Variants in MTR observed in about 807,000 individuals in gnomAD.
MTR encodes the protein methionine synthase.
A neutral mutation model predicts 154.8 loss-of-function variants in MTR; 84 were observed. The observed-to-expected ratio is 0.54, with a 90% CI of 0.45 to 0.65. The LOEUF (loss-of-function observed/expected upper bound fraction) is 0.65. Among genes scored for constraint, MTR ranks in the 30% least tolerant of loss-of-function variants. MTR has a pLI of 0.00. For synonymous variants in MTR, 554 were observed against 553.9 expected (o/e 1.00, Z 0.00); for missense variants, 1,275 against 1,570.2 (o/e 0.81, Z 3.18).
At position 236,897,107 on chromosome 1, in the gene MTR, T is replaced by G; in HGVS notation, c.3700T>G (p.Ser1234Ala). The G allele has an allele frequency of 6.2e-7, 1 of 1,611,862 alleles. No homozygotes were observed. The highest frequency in any genetic ancestry group is 8.5e-7 in the Non-Finnish European group (1 of 1,177,910). The change falls in exon 32 of 33, where the codon TCC becomes GCC. Residue 1234 changes from serine to alanine, a missense_variant. Physicochemically the swap from Ser to Ala is moderately conservative, Grantham distance 99 (BLOSUM62 1). Coordinates refer to ENST00000366577, the MANE Select transcript of MTR (RefSeq NM_000254.3). ...CAAATATTTTGCTGTGGGGAAGATT[T>G]CCAAGGATCAGGTAAGCTAGCTGTT... Reference protein sequence around the residue: ...KSKYFAVGKISKDQVEDYALR... With the variant: ...KSKYFAVGKIAKDQVEDYALR...
At chr1:236,897,310 GCACACACACACACACACACACA>G (rs57786802) in intron 32 of MTR, among the ~76,000 whole-genome samples, 192 bp downstream of exon 32, 1 of 128,614 alleles carries the variant, frequency 7.8e-6, no homozygotes, top group Admixed American at 7.6e-5. Flanking sequence ...CCACACACAC[GCACACACACACACACACACACA>G]CACACACACA....
At chr1:236,819,271 T>C (rs1661779979) in intron 8 of MTR, among the ~76,000 whole-genome samples, 1 of 152,188 alleles carries the variant, frequency 6.6e-6, no homozygotes, top group South Asian at 2.1e-4. Context: ...TTATTCTTTT[T>C]CCTGGCCTGC....
chr1:236,825,450 TTTTAGA>T (rs1422951856), intron 10 of MTR, 51 bp downstream of exon 10: 1 of 1,491,068 alleles, frequency 6.7e-7, no homozygotes, highest in Admixed American at 1.7e-5. Flanking sequence ...AAAGATTGAA[TTTTAGA>T]TTTAGAGTAT....
chr1:236,894,414 C>A lies in MTR; in HGVS notation c.3262C>A (p.Pro1088Thr). The A allele has an allele frequency of 3.1e-6, 5 of 1,614,216 alleles. No homozygotes were observed. The highest frequency in any genetic ancestry group is 4.2e-6 in the Non-Finnish European group (5 of 1,180,030). Residue 1088 changes from proline (P) to threonine (T), a missense_variant, in exon 30 of 33, where the codon CCC becomes ACC. Transcript: ENST00000366577. ...PYYCLSDFIA[P>T]LHSGIRDYLG... ...CTACTGCCTCTCAGACTTCATCGCT[C>A]CCTTGCATTCTGGCATCCGTGACTA...
rs1666848829 is a variant in MTR at position 236,899,998 on chromosome 1, AAAC to A, written c.*2357_*2359del. ...TGTAAACAGGCACCACTGCTTTAAA[AAAC>A]AATTATCCCTTACAGACTTGAACAT... On this transcript the variant is annotated 3_prime_UTR_variant, in exon 33 of 33. Transcript: ENST00000366577. 1 of 203,324 alleles carries A rather than the reference AAAC, an allele frequency of 4.9e-6. No homozygotes were observed. The highest frequency in any genetic ancestry group is 5.6e-5 in the Admixed American group (1 of 17,810). The allele number at this position is 203,324 out of a possible 1,614,324, so 12.6% of individuals were successfully genotyped here.
Position 236,862,359 on chromosome 1 carries a change from C to A in MTR, c.2304+16C>A. 1 of 1,602,204 alleles carries A rather than the reference C, an allele frequency of 6.2e-7. No individual in the cohort carries two copies. The highest frequency in any genetic ancestry group is 1.1e-5 in the South Asian group (1 of 90,776). ...AGAAGAAGAGGCAAGTCATTTTGTT[C>A]AGGCCTATGGGCCTTTAGTGGGTTG... On this transcript the variant is annotated intron_variant, in intron 21 of 32. Coordinates refer to ENST00000366577, the MANE Select transcript of MTR (RefSeq NM_000254.3).
Position 236,835,702 on chromosome 1 carries a change from A to T in MTR, c.1329+15A>T. 6.2e-7 allele frequency: 1 copy of T among 1,613,312 alleles called. No homozygotes were observed. Among genetic ancestry groups the T allele is most frequent in the Non-Finnish European group, 8.5e-7 (1 of 1,179,838 alleles). On this transcript the variant is annotated intron_variant, in intron 14 of 32. Transcript: ENST00000366577. ...ACATCGCAAAGGTTATACAAAGTTT[A>T]TGTTTATCAGGGGGATTTACTTGTC...
At chr1:236,862,428 G>A in intron 21 of MTR, 85 bp downstream of exon 21, 2 of 1,074,378 alleles carry the variant, frequency 1.9e-6, no homozygotes, top group South Asian at 1.3e-5. Flanking sequence ...AGCAGTCAGG[G>A]TTGGCTGTGT....
chr1:236,886,685 C>CT (rs1179560283), intron 27 of MTR, among the ~76,000 whole-genome samples: 5 of 152,184 alleles, frequency 3.3e-5, no homozygotes, highest in Admixed American at 6.5e-5. Flanking sequence ...TGAAAGGTTA[C>CT]TAGGAATCTC....
intron 22 of MTR, among the ~76,000 whole-genome samples, chr1:236,872,203 T>G (rs972742403): frequency 1.1e-4 from 16 of 152,200 alleles, no homozygotes; most frequent in African/African-American, 3.9e-4. Flanking sequence ...CTGTTTCCTC[T>G]GAGTTCCAGG....
intron 6 of MTR, among the ~76,000 whole-genome samples, chr1:236,814,810 G>A (rs898863875): frequency 3.3e-5 from 5 of 151,842 alleles, no homozygotes; most frequent in East Asian, 3.9e-4. Flanking sequence ...TTTGTTTTCC[G>A]TAAGATCTTT....
intron 15 of MTR, among the ~76,000 whole-genome samples, chr1:236,849,908 G>T (rs1663801648): frequency 6.6e-6 from 1 of 152,234 alleles, no homozygotes; most frequent in African/African-American, 2.4e-5. Flanking sequence ...GTGATAGGTT[G>T]TGACACTGCT....
chr1:236,878,662 T>C (rs1383315147), intron 24 of MTR, among the ~76,000 whole-genome samples: 4 of 152,210 alleles, frequency 2.6e-5, no homozygotes, highest in Admixed American at 6.5e-5. Context: ...TGAATTTGTA[T>C]TGGGCCACAT....
chr1:236,876,084 C>G (rs1170939140), intron 24 of MTR, among the ~76,000 whole-genome samples: 1 of 152,098 alleles, frequency 6.6e-6, no homozygotes, highest in African/African-American at 2.4e-5. Context: ...TTACTTAGGT[C>G]TACTGATAAA....
At chr1:236,889,949 A>G (rs966265283) in intron 28 of MTR, among the ~76,000 whole-genome samples, 12 of 152,040 alleles carry the variant, frequency 7.9e-5, no homozygotes, top group African/African-American at 2.9e-4. Context: ...GAAGTAAGTG[A>G]GGTGTTAAAT....
At chr1:236,862,760 A>G (rs1035392443) in intron 21 of MTR, among the ~76,000 whole-genome samples, 2 of 152,124 alleles carry the variant, frequency 1.3e-5, no homozygotes, top group African/African-American at 4.8e-5. Context: ...TCTGCTGGTG[A>G]TGTCCTTGGC....
In MTR at chr1:236,897,999, C is replaced by G. The variant is rs1015096886; in HGVS notation, c.*355C>G. Reference sequence around the variant, plus strand: ...AGTGGAATCTAGGAGGCCACTTAGTCGTCTTTTTTTCCTCTTAGAAGAAAA... The same window carrying G: ...AGTGGAATCTAGGAGGCCACTTAGTGGTCTTTTTTTCCTCTTAGAAGAAAA... On this transcript the variant is annotated 3_prime_UTR_variant, in exon 33 of 33. Coordinates refer to ENST00000366577, the MANE Select transcript of MTR (RefSeq NM_000254.3). 1 of 258,702 alleles carries G rather than the reference C, an allele frequency of 3.9e-6. No homozygotes were observed. Among genetic ancestry groups the G allele is most frequent in the Non-Finnish European group, 7.4e-6 (1 of 134,514 alleles). 16.0% of individuals were successfully genotyped at this position (258,702 alleles called of 1,614,324 possible).
Position 236,808,847 on chromosome 1 carries a change from T to C in MTR, c.409+74T>C, listed in dbSNP as rs28558923. 1.0e-4 allele frequency: 142 copies of C among 1,424,100 alleles called. 1 individual carries two copies. In the African/African-American group the frequency reaches 1.8e-3, roughly 18 times the overall value. The allele number at this position is 1,424,100 out of a possible 1,614,324, so 88.2% of individuals were successfully genotyped here. On this transcript the variant is annotated intron_variant, in intron 4 of 32. Transcript: ENST00000366577. ...GTCAGCTATAATGTGCTGTCCTTAT[T>C]GCAGTTTTTCCTTATGTGGCCTTTG...
In MTR at chr1:236,820,633, T is replaced by C. The variant is rs938072112; in HGVS notation, c.765-3486T>C. ...TCCGTAAACATTCATGGCAGGTTTT[T>C]GTGTAGACATAAGTTTTAATTCATT... On this transcript the variant is annotated intron_variant, in intron 8 of 32. Transcript: ENST00000366577. 5.6e-6 allele frequency: 3 copies of C among 534,850 alleles called. No individual in the cohort carries two copies. In the Admixed American group the frequency reaches 9.5e-5, roughly 17 times the overall value. The allele number at this position is 534,850 out of a possible 1,614,324, so 33.1% of individuals were successfully genotyped here.
Sources: allele counts gnomAD v4.1 joint callset (sites outside exome capture counted in the v4.1 genomes callset), GRCh38; gene constraint gnomAD v4.1.1; transcripts MANE v1.5; gene names NCBI Gene and HGNC (gene_info 2026-07-23, HGNC 2026-07-21).